Variants in ARVCF observed in about 807,000 individuals in gnomAD.
ARVCF encodes splicing regulator ARVCF.
ARVCF carries 66 observed loss-of-function variants against 90.9 expected under a neutral mutation model. That is an observed-to-expected ratio of 0.73 (90% CI 0.60 to 0.89). The LOEUF (loss-of-function observed/expected upper bound fraction) is 0.89. ARVCF is among the 40% of genes least tolerant of loss of function. ARVCF has a pLI of 0.00. For synonymous variants in ARVCF, 653 were observed against 603.4 expected, an observed-to-expected ratio of 1.08 and a Z score of -1.21; for missense variants, 1,469 against 1,382.3, an observed-to-expected ratio of 1.06 and a Z score of -1.00.
intron 2 of ARVCF, among the ~76,000 whole-genome samples, chr22:20,008,256 C>G (rs780363698): frequency 2.6e-5 from 4 of 152,190 alleles, no homozygotes; most frequent in African/African-American, 9.7e-5. Flanking sequence ...TGCAGGCACA[C>G]GGCGGCTGAT....
chr22:20,002,397 T>C (rs2146451851), intron 2 of ARVCF, among the ~76,000 whole-genome samples: 1 of 152,322 alleles, frequency 6.6e-6, no homozygotes, highest in Non-Finnish European at 1.5e-5. Context: ...AACACGCTGC[T>C]GCCTGCTGCC....
chr22:19,974,375 T>C (rs1043157050), intron 11 of ARVCF, 136 bp from the exon 12 acceptor site: 12 of 1,079,104 alleles, frequency 1.1e-5, no homozygotes, highest in Non-Finnish European at 1.5e-5. Context: ...AGTCACGTAA[T>C]ATTTACTATC....
chr22:19,977,734 G>A lies in ARVCF; in HGVS notation c.1699-148C>T, dbSNP rs185779165. The stretch of plus-strand genomic sequence containing the variant: ...GGAGGGGAGCAAAAGGGCGGTAACC[G>A]CCAGGAAGGGTCCATGGGAGGAAGC... On this transcript the variant is annotated intron_variant, in intron 8 of 19. Transcript: ENST00000263207. 1,606 of 1,215,986 alleles carry A rather than the reference G, an allele frequency of 1.3e-3. 2 individuals carry two copies. The highest frequency in any genetic ancestry group is 1.6e-3 in the Non-Finnish European group (1,481 of 899,278). The allele number at this position is 1,215,986 out of a possible 1,614,324, so 75.3% of individuals were successfully genotyped here.
Position 19,973,493 on chromosome 22 carries a change from G to T in ARVCF, c.2239+150C>A, listed in dbSNP as rs1043441427. The T allele has an allele frequency of 1.8e-5, 24 of 1,366,866 alleles. No individual in the cohort carries two copies. In the East Asian group the frequency reaches 1.9e-4, roughly 11 times the overall value. The allele number at this position is 1,366,866 out of a possible 1,614,324, so 84.7% of individuals were successfully genotyped here. ...TGAGCTTCAGAGACAGGGCCGGGGG[G>T]ACTGGAGCTACCTCCAGTTGGGACA... On this transcript the variant is annotated intron_variant, in intron 13 of 19. Coordinates refer to ENST00000263207, the MANE Select transcript of ARVCF (RefSeq NM_001670.3).
intron 16 of ARVCF, 26 bp from the exon 17 acceptor site, chr22:19,972,437 C>T: frequency 6.2e-7 from 1 of 1,613,030 alleles, no homozygotes; most frequent in South Asian, 1.1e-5. Flanking sequence ...AGGAGACGGG[C>T]TGCATGTGGC....
Position 19,970,505 on chromosome 22 carries a change from C to T in ARVCF, c.*251G>A, listed in dbSNP as rs1248010799. ...AGCCCAGTCGGCCTCCTCGGGCCTT[C>T]TGTCACTCGCTCACACACAGCACCA... On this transcript the variant is annotated 3_prime_UTR_variant, in exon 20 of 20. Coordinates refer to ENST00000263207, the MANE Select transcript of ARVCF (RefSeq NM_001670.3). 5 of 1,073,570 alleles carry T rather than the reference C, an allele frequency of 4.7e-6. No homozygotes were observed. Among genetic ancestry groups the T allele is most frequent in the East Asian group, 1.6e-4 (2 of 12,758 alleles). 66.5% of individuals were successfully genotyped at this position (1,073,570 alleles called of 1,614,324 possible).
intron 9 of ARVCF, 49 bp downstream of exon 9, chr22:19,977,366 G>C: frequency 6.8e-7 from 1 of 1,468,070 alleles, no homozygotes; most frequent in African/African-American, 1.4e-5. Context: ...CCTTCCGCTG[G>C]GGCAGGAGTT....
In ARVCF at chr22:19,973,775, C is replaced by T. The variant is rs1405758043; in HGVS notation, c.2107G>A (p.Ala703Thr). 8.1e-6 allele frequency: 13 copies of T among 1,606,280 alleles called. No homozygotes were observed. The highest frequency in any genetic ancestry group is 6.7e-5 in the East Asian group (3 of 44,860). Reference sequence around the variant, plus strand: ...AGCCCGCGCTCTTTGCGCACTGTGGCGCGGATGTACGTGGCCCACTGCGGA... The same window carrying T: ...AGCCCGCGCTCTTTGCGCACTGTGGTGCGGATGTACGTGGCCCACTGCGGA... ...GNWMWATYIR[A>T]TVRKERGLPV... Residue 703 changes from alanine to threonine, a missense_variant, in exon 13 of 20, where the codon GCC becomes ACC. Coordinates refer to ENST00000263207, the MANE Select transcript of ARVCF (RefSeq NM_001670.3).
intron 2 of ARVCF, among the ~76,000 whole-genome samples, chr22:20,007,884 AAGAC>A (rs1391449941): frequency 1.3e-5 from 2 of 152,270 alleles, no homozygotes; most frequent in Admixed American, 6.5e-5. Context: ...AAAATGGACT[AAGAC>A]AGACAGATTA....
chr22:19,975,247 C>A (rs905085240), intron 11 of ARVCF, among the ~76,000 whole-genome samples: 1 of 152,194 alleles, frequency 6.6e-6, no homozygotes, highest in Non-Finnish European at 1.5e-5. Flanking sequence ...GCATACAGCC[C>A]AATAGGCACT....
chr22:19,967,088 G>A, downstream of ARVCF: 1 of 1,240,508 alleles, frequency 8.1e-7, no homozygotes, highest in Non-Finnish European at 1.0e-6. Flanking sequence ...TAAAGGAGTG[G>A]GCCCCTGGCA....
Position 19,970,065 on chromosome 22 carries a change from G to C in ARVCF, c.*691C>G. ...CCAGCCACTGCCGAAGGTCAGTCCC[G>C]GAGGTGCTGCCCAGGCTCCAGGCAG... On this transcript the variant is annotated 3_prime_UTR_variant, in exon 20 of 20. Transcript: ENST00000263207. 1 of 985,610 alleles carries C rather than the reference G, an allele frequency of 1.0e-6. No homozygotes were observed. The highest frequency in any genetic ancestry group is 1.2e-6 in the Non-Finnish European group (1 of 830,000). The allele number at this position is 985,610 out of a possible 1,614,324, so 61.1% of individuals were successfully genotyped here.
At position 19,977,485 on chromosome 22, in the gene ARVCF, C is replaced by T. The variant is rs1200433146; in HGVS notation, c.1800G>A (p.Leu600=). 11 of 1,597,570 alleles carry T rather than the reference C, an allele frequency of 6.9e-6. No homozygotes were observed. The highest frequency in any genetic ancestry group is 8.5e-6 in the Non-Finnish European group (10 of 1,171,482). ...DRYQEAEPGP[L]GSAVGSQRRR... ...GGCGCTGGGAGCCTACAGCACTGCC[C>T]AGGGGCCCGGGCTCGGCCTCCTGGT... is the stretch of plus-strand genomic sequence containing the variant. Residue 600 remains leucine (L), a synonymous_variant, in exon 9 of 20, where the codon CTG becomes CTA. Transcript: ENST00000263207.
intron 13 of ARVCF, 37 bp from the exon 14 acceptor site, chr22:19,973,354 C>T (rs1362996494): frequency 6.5e-7 from 1 of 1,545,046 alleles, no homozygotes. Flanking sequence ...CACACCTCTG[C>T]CCCACCTCTC....
intron 2 of ARVCF, among the ~76,000 whole-genome samples, chr22:20,002,416 G>A (rs777683989): frequency 6.6e-6 from 1 of 152,082 alleles, no homozygotes; most frequent in Non-Finnish European, 1.5e-5. Context: ...CCTGGCTCCC[G>A]TCTCTCACAG....
chr22:19,987,490 AGGCCTCGGTTT>A (rs982131690), intron 3 of ARVCF, among the ~76,000 whole-genome samples: 2 of 149,924 alleles, frequency 1.3e-5, no homozygotes, highest in Non-Finnish European at 3.0e-5. Context: ...AGTCCTTCCC[AGGCCTCGGTTT>A]GGCCTCGGTT....
Position 19,976,743 on chromosome 22 carries a change from AGAG to A in ARVCF, c.1871-23_1871-21del, listed in dbSNP as rs2146274689. On this transcript the variant is annotated intron_variant, in intron 9 of 19. Transcript: ENST00000263207. ...ACTCCTCTGGGAGGCCGGAGGAAGC[AGAG>A]GAGAGAGGAGAGGAGCCTGAACAGG... 1.3e-6 allele frequency: 2 copies of A among 1,557,978 alleles called. No homozygotes were observed. Among genetic ancestry groups the A allele is most frequent in the Non-Finnish European group, 1.7e-6 (2 of 1,150,560 alleles).
At chr22:19,987,672 C>A (rs1027437868) in intron 3 of ARVCF, among the ~76,000 whole-genome samples, 1 of 152,072 alleles carries the variant, frequency 6.6e-6, no homozygotes. Context: ...ACAGTAGTCA[C>A]GGCTCTGTGA....
At chr22:20,015,032 A>C (rs1944973658) in intron 1 of ARVCF, among the ~76,000 whole-genome samples, 2 of 152,122 alleles carry the variant, frequency 1.3e-5, no homozygotes, top group Non-Finnish European at 1.5e-5. Context: ...CAAGCAGCCC[A>C]GATGTGGTGG....
Sources: gnomAD v4.1 joint callset for allele counts (sites outside exome capture counted in the v4.1 genomes callset) on GRCh38, gnomAD v4.1.1 for gene constraint, MANE v1.5 for transcripts, NCBI Gene and HGNC (gene_info 2026-07-23, HGNC 2026-07-21) for gene names.